The following NCKAP1L variants were observed in gnomAD, a reference collection of about 807,000 sequenced individuals.
NCKAP1L encodes nck-associated protein 1-like.
Under a neutral mutation model 139.2 loss-of-function variants are expected in NCKAP1L, and 53 were observed. The ratio of observed to expected loss-of-function variants is 0.38; its 90% CI spans 0.31 to 0.48. NCKAP1L has a LOEUF of 0.48. Ranked by LOEUF, NCKAP1L falls within the 20% of genes least tolerant of loss-of-function variation. The pLI is 0.98. For synonymous variants in NCKAP1L, 468 were observed against 499.7 expected (o/e 0.94, Z 0.85); for missense variants, 1,151 against 1,381.9 (o/e 0.83, Z 2.65).
chr12:54,526,438 C>A, intron 20 of NCKAP1L, 90 bp from the exon 21 acceptor site: 1 of 1,016,224 alleles, frequency 9.8e-7, no homozygotes. Flanking sequence ...AATCCTAGCA[C>A]AGCACCTGGA....
intron 18 of NCKAP1L, among the ~76,000 whole-genome samples, 154 bp from the exon 19 acceptor site, chr12:54,523,240 C>T (rs533653925): frequency 6.6e-6 from 1 of 152,114 alleles, no homozygotes; most frequent in Admixed American, 6.5e-5. Flanking sequence ...TCTGAATAGG[C>T]CCCCATTAAA....
At chr12:54,528,881 C>T (rs765266690) in intron 22 of NCKAP1L, among the ~76,000 whole-genome samples, 72 of 151,936 alleles carry the variant, frequency 4.7e-4, no homozygotes, top group Non-Finnish European at 8.4e-4. Flanking sequence ...GTGATCTGCC[C>T]GCCTCAGCCT....
At chr12:54,518,779 A>G (rs1183266523) in intron 14 of NCKAP1L, 47 bp downstream of exon 14, 1 of 1,547,026 alleles carries the variant, frequency 6.5e-7, no homozygotes, top group South Asian at 1.1e-5. Flanking sequence ...GAGGATGAAC[A>G]TCTTTTATCC....
Position 54,535,106 on chromosome 12 carries a change from G to A in NCKAP1L, c.2865G>A (p.Val955=), listed in dbSNP as rs760956783. The change falls in exon 27 of 31, where the codon GTG becomes GTA. Residue 955 remains valine (V), a splice_region_variant and synonymous_variant. Transcript: ENST00000293373. ...GAATGTTATTTTCTTCTCTCCAGGT[G>A]ACCTTGAGTATCTTTGAGCTGGCAT... ...EFVTPDTDIK[V]TLSIFELASA... 3.1e-6 allele frequency: 5 copies of A among 1,613,010 alleles called. No individual in the cohort carries two copies. The Admixed American group carries it at 8.3e-5, about 27-fold the overall frequency.
intron 9 of NCKAP1L, among the ~76,000 whole-genome samples, chr12:54,515,411 T>C (rs1956921880): frequency 6.6e-6 from 1 of 152,138 alleles, no homozygotes; most frequent in Non-Finnish European, 1.5e-5. Flanking sequence ...ATTCTGAGCA[T>C]GGGTCACTAG....
chr12:54,500,440 AT>A lies in NCKAP1L; in HGVS notation c.214-92del. 3.4e-6 allele frequency: 3 copies of A among 893,194 alleles called. No individual in the cohort carries two copies. In the South Asian group the frequency reaches 4.1e-5, roughly 12 times the overall value. 55.3% of individuals were successfully genotyped at this position (893,194 alleles called of 1,614,324 possible). A position where few individuals can be genotyped will look rare whatever the true frequency, so the allele number is the denominator to read the frequency against. Reference sequence around the variant, plus strand: ...CGCCCGGCCTCAACCCTCTTTAAGAATGTTTTAGGTATAACCACTGTTCTTC... The same window carrying A: ...CGCCCGGCCTCAACCCTCTTTAAGAAGTTTTAGGTATAACCACTGTTCTTC... On this transcript the variant is annotated intron_variant, in intron 2 of 30. Coordinates refer to ENST00000293373, the MANE Select transcript of NCKAP1L (RefSeq NM_005337.5).
At chr12:54,529,738 TC>T (rs1219337823) in intron 22 of NCKAP1L, among the ~76,000 whole-genome samples, 1 of 152,026 alleles carries the variant, frequency 6.6e-6, no homozygotes, top group African/African-American at 2.4e-5. Flanking sequence ...TAATGCTGAT[TC>T]CCCCTTCTAC....
intron 1 of NCKAP1L, among the ~76,000 whole-genome samples, chr12:54,498,997 C>T (rs965308149): frequency 6.6e-6 from 1 of 151,802 alleles, no homozygotes; most frequent in Middle Eastern, 3.4e-3. Flanking sequence ...ACGATCTTGG[C>T]TCACTGCAAC....
chr12:54,542,720 C>A lies in NCKAP1L; in HGVS notation c.*35C>A. The A allele has an allele frequency of 6.9e-7, 1 of 1,450,666 alleles. No individual in the cohort carries two copies. The highest frequency in any genetic ancestry group is 9.7e-7 in the Non-Finnish European group (1 of 1,032,120). 89.9% of individuals were successfully genotyped at this position (1,450,666 alleles called of 1,614,324 possible). A position where few individuals can be genotyped will look rare whatever the true frequency, so the allele number is the denominator to read the frequency against. On this transcript the variant is annotated 3_prime_UTR_variant, in exon 31 of 31. Coordinates refer to ENST00000293373, the MANE Select transcript of NCKAP1L (RefSeq NM_005337.5). ...AGTACCCACTGAAGAGCCCTTTGGA[C>A]CTTCCTAAACCCTTGCCATAGTGGA...
chr12:54,521,337 A>G, intron 18 of NCKAP1L, 99 bp downstream of exon 18: 1 of 1,522,298 alleles, frequency 6.6e-7, no homozygotes, highest in Non-Finnish European at 8.9e-7. Flanking sequence ...AAGCTCAGTA[A>G]CTCTTTCTCT....
intron 9 of NCKAP1L, among the ~76,000 whole-genome samples, chr12:54,512,764 ATGTGTGTG>A (rs55837974): frequency 3.5e-4 from 52 of 150,048 alleles, no homozygotes; most frequent in African/African-American, 7.6e-4. Flanking sequence ...GAGTGTGTGT[ATGTGTGTG>A]TGTGTGTGTG....
At chr12:54,512,784 G>A (rs1175650968) in intron 9 of NCKAP1L, among the ~76,000 whole-genome samples, 5 of 151,476 alleles carry the variant, frequency 3.3e-5, no homozygotes, top group African/African-American at 1.2e-4. Context: ...GTGTGTGTGT[G>A]TGTGTGTATG....
intron 16 of NCKAP1L, among the ~76,000 whole-genome samples, chr12:54,519,875 ATTTTT>A (rs79806874): frequency 7.3e-6 from 1 of 137,394 alleles, no homozygotes. Flanking sequence ...ACGTCTTCAG[ATTTTT>A]TTTTTTTTTT....
At chr12:54,500,925 G>A (rs1238594437) in intron 3 of NCKAP1L, 2 of 208,236 alleles carry the variant, frequency 9.6e-6, no homozygotes, top group Admixed American at 5.6e-5. Context: ...GATTATGACT[G>A]GCTTCAATTT....
intron 12 of NCKAP1L, 65 bp downstream of exon 12, chr12:54,517,707 G>T: frequency 1.3e-6 from 2 of 1,583,262 alleles, no homozygotes; most frequent in East Asian, 2.2e-5. Flanking sequence ...GGCATCAGAT[G>T]ACCTTAGGAG....
At chr12:54,541,458 A>C (rs1957157528) in intron 30 of NCKAP1L, among the ~76,000 whole-genome samples, 1 of 152,216 alleles carries the variant, frequency 6.6e-6, no homozygotes, top group African/African-American at 2.4e-5. Flanking sequence ...ACCTTGGAGA[A>C]GACAGCTCAT....
At chr12:54,502,057 A>G (rs1644384658) in intron 3 of NCKAP1L, among the ~76,000 whole-genome samples, 1 of 151,642 alleles carries the variant, frequency 6.6e-6, no homozygotes, top group Admixed American at 6.6e-5. Context: ...TGTCTGTTTC[A>G]TTCTTTGACC....
At chr12:54,506,785 TA>T (rs1291340610) in intron 3 of NCKAP1L, among the ~76,000 whole-genome samples, 20 of 60,336 alleles carry the variant, frequency 3.3e-4, no homozygotes, top group East Asian at 1.5e-3. Flanking sequence ...GGCAACATAT[TA>T]AAAAAAAAAA....
intron 25 of NCKAP1L, 125 bp downstream of exon 25, chr12:54,531,950 C>A: frequency 3.4e-6 from 3 of 877,448 alleles, no homozygotes; most frequent in Non-Finnish European, 5.3e-6. Context: ...GGTTGGTGAG[C>A]ATTGAGAAGA....
Sources: allele counts gnomAD v4.1 joint callset (sites outside exome capture counted in the v4.1 genomes callset), GRCh38; gene constraint gnomAD v4.1.1; transcripts MANE v1.5; gene names NCBI Gene and HGNC (gene_info 2026-07-23, HGNC 2026-07-21).